GRAMD1C: variants seen among roughly 807,000 people sequenced by gnomAD.
GRAMD1C encodes the protein GRAM domain containing 1C.
GRAMD1C carries 89 observed loss-of-function variants against 97.8 expected under a neutral mutation model. The observed-to-expected ratio is 0.91, with a 90% CI of 0.77 to 1.09. GRAMD1C has a LOEUF of 1.09. GRAMD1C is among the 50% of genes least tolerant of loss of function. The pLI, the probability that GRAMD1C is intolerant of heterozygous loss-of-function variation, is 0.00. For missense variants in GRAMD1C, 740 were observed against 766.4 expected (o/e 0.97, Z 0.41); for synonymous variants, 256 against 267.0 (o/e 0.96, Z 0.40).
intron 2 of GRAMD1C, among the ~76,000 whole-genome samples, chr3:113,866,440 G>C (rs1315132362): frequency 6.6e-6 from 1 of 151,902 alleles, no homozygotes; most frequent in African/African-American, 2.4e-5. Flanking sequence ...TGTAACTAAG[G>C]TGTGTGTCTC....
chr3:113,849,307 A>ATTT lies in GRAMD1C; in HGVS notation c.174+4662_174+4664dup, dbSNP rs1256188993. Among the ~76,000 whole-genome samples the ATTT allele has an allele frequency of 5.7e-5, 8 of 141,022 alleles. No homozygotes were observed. The South Asian group carries it at 1.6e-3, about 28-fold the overall frequency. The allele number at this position is 141,022 out of a possible 152,430, so 92.5% of individuals were successfully genotyped here. A position where few individuals can be genotyped will look rare whatever the true frequency, so the allele number is the denominator to read the frequency against. ...TATTTATTTATTTATTTATTTATTT[A>ATTT]TTTTTTATTGATCATTCTTGGGTGT... On this transcript the variant is annotated intron_variant, in intron 2 of 17. Coordinates refer to ENST00000358160, the MANE Select transcript of GRAMD1C (RefSeq NM_017577.5).
chr3:113,945,443 A>C lies in GRAMD1C; in HGVS notation c.1954A>C (p.Asn652His). 1 of 1,597,620 alleles carries C rather than the reference A, an allele frequency of 6.3e-7. No homozygotes were observed. Among genetic ancestry groups the C allele is most frequent in the Non-Finnish European group, 8.6e-7 (1 of 1,165,590 alleles). Reference sequence around the variant, plus strand: ...GCTTCAGAAAACGTTTGATCTACTAAATAAGAATAAGACTGGCATGGCTGT... The same window carrying C: ...GCTTCAGAAAACGTTTGATCTACTACATAAGAATAAGACTGGCATGGCTGT... Reference protein sequence around the residue: ...IMLQKTFDLLNKNKTGMAVES With the variant: ...IMLQKTFDLLHKNKTGMAVES The change falls in exon 18 of 18, where the codon AAT becomes CAT. Residue 652 changes from asparagine (N) to histidine (H), a missense_variant. Coordinates refer to ENST00000358160, the MANE Select transcript of GRAMD1C (RefSeq NM_017577.5).
At chr3:113,886,208 A>T (rs1304705703) in intron 6 of GRAMD1C, among the ~76,000 whole-genome samples, 1 of 152,136 alleles carries the variant, frequency 6.6e-6, no homozygotes, top group Non-Finnish European at 1.5e-5. Flanking sequence ...GGATGGACAC[A>T]TGGGCTGGGG....
chr3:113,873,153 G>A (rs1313802993), intron 3 of GRAMD1C, among the ~76,000 whole-genome samples: 7 of 146,882 alleles, frequency 4.8e-5, no homozygotes, highest in South Asian at 2.1e-4. Flanking sequence ...CCAGCTACTC[G>A]GTAGACTGAG....
chr3:113,923,969 C>T (rs1937148529), intron 10 of GRAMD1C, among the ~76,000 whole-genome samples: 1 of 151,840 alleles, frequency 6.6e-6, no homozygotes, highest in Non-Finnish European at 1.5e-5. Context: ...CATTCTTTGT[C>T]TGTGCGGGGT....
chr3:113,850,515 T>C lies in GRAMD1C; in HGVS notation c.174+5866T>C, dbSNP rs1442836096. On this transcript the variant is annotated intron_variant, in intron 2 of 17. Transcript: ENST00000358160. The stretch of plus-strand genomic sequence containing the variant: ...ATCATGGAGATACTGGATGCCCTCA[T>C]TGGTAAGGTACCAGTAGAAATGTCT... 7 of 1,584,290 alleles carry C rather than the reference T, an allele frequency of 4.4e-6. No individual in the cohort carries two copies. The East Asian group carries it at 6.7e-5, about 15-fold the overall frequency.
intron 1 of GRAMD1C, among the ~76,000 whole-genome samples, chr3:113,840,117 C>A (rs1466008160): frequency 3.3e-5 from 5 of 152,182 alleles, no homozygotes; most frequent in African/African-American, 4.8e-5. Context: ...CAGGCGCCCG[C>A]CACCACGCCC....
At chr3:113,897,776 C>T in intron 6 of GRAMD1C, 1 of 984,178 alleles carries the variant, frequency 1.0e-6, no homozygotes, top group East Asian at 1.1e-4. Context: ...TTAAACTACT[C>T]TGTAGGCTGA....
chr3:113,914,453 C>T (rs1212436172), intron 9 of GRAMD1C, among the ~76,000 whole-genome samples: 1 of 152,170 alleles, frequency 6.6e-6, no homozygotes, highest in Non-Finnish European at 1.5e-5. Context: ...GATCCATAGA[C>T]TATTGCCCTT....
chr3:113,932,886 CT>C (rs11370149), intron 11 of GRAMD1C, among the ~76,000 whole-genome samples: 30 of 141,942 alleles, frequency 2.1e-4, no homozygotes, highest in East Asian at 2.1e-4. Context: ...TTTCTTCTTT[CT>C]TTTTTTTTTT....
intron 6 of GRAMD1C, chr3:113,890,651 A>G: frequency 1.5e-6 from 1 of 656,638 alleles, no homozygotes; most frequent in Non-Finnish European, 2.8e-6. Flanking sequence ...AGAATCCGTG[A>G]GGTGCATTCT....
chr3:113,857,118 C>T (rs116334709), intron 2 of GRAMD1C, among the ~76,000 whole-genome samples: 1,525 of 151,984 alleles, frequency 0.01, 38 homozygotes, highest in African/African-American at 0.035. Flanking sequence ...GCATTATAGG[C>T]GTGAGCCACC....
At chr3:113,916,106 A>G (rs987190192) in intron 10 of GRAMD1C, among the ~76,000 whole-genome samples, 23 of 152,218 alleles carry the variant, frequency 1.5e-4, no homozygotes, top group Non-Finnish European at 2.9e-4. Context: ...TACCAATTCG[A>G]TTAGGTTGAA....
At chr3:113,851,842 A>G (rs1933920702) in intron 2 of GRAMD1C, among the ~76,000 whole-genome samples, 2 of 151,398 alleles carry the variant, frequency 1.3e-5, no homozygotes, top group Admixed American at 6.6e-5. Context: ...TGTGCAAAAA[A>G]TCAGAAGCCT....
intron 10 of GRAMD1C, among the ~76,000 whole-genome samples, chr3:113,930,400 AGG>A (rs1189827636): frequency 6.6e-6 from 1 of 152,190 alleles, no homozygotes; most frequent in African/African-American, 2.4e-5. Context: ...TTCTCTTCAT[AGG>A]TACTGAGGAC....
In GRAMD1C at chr3:113,864,457, C is replaced by T. The variant is rs138984951; in HGVS notation, c.175-5050C>T. On this transcript the variant is annotated intron_variant, in intron 2 of 17. Coordinates refer to ENST00000358160, the MANE Select transcript of GRAMD1C (RefSeq NM_017577.5). ...AAAGCTGCTTAGATATTTCTTCTTC[C>T]AGAAATCATAGCTTTGGTAATTAAA... 3.2e-3 allele frequency among the ~76,000 whole-genome samples: 487 copies of T among 152,130 alleles called. 6 individuals carry two copies. The highest frequency in any genetic ancestry group is 0.011 in the African/African-American group (465 of 41,494).
At chr3:113,916,277 T>G (rs887212410) in intron 10 of GRAMD1C, among the ~76,000 whole-genome samples, 1 of 152,224 alleles carries the variant, frequency 6.6e-6, no homozygotes, top group African/African-American at 2.4e-5. Flanking sequence ...AATGGGTACA[T>G]TTGTACTCTG....
chr3:113,891,196 G>T (rs937400536), intron 6 of GRAMD1C, among the ~76,000 whole-genome samples: 1 of 152,152 alleles, frequency 6.6e-6, no homozygotes, highest in African/African-American at 2.4e-5. Flanking sequence ...CATATATTAT[G>T]TGTAAACTAC....
In GRAMD1C at chr3:113,908,948, T is replaced by C. The variant is rs759410066; in HGVS notation, c.790-10T>C. 3.3e-6 allele frequency: 5 copies of C among 1,522,548 alleles called. No individual in the cohort carries two copies. In the South Asian group the frequency reaches 5.1e-5, roughly 16 times the overall value. 94.3% of individuals were successfully genotyped at this position (1,522,548 alleles called of 1,614,324 possible). On this transcript the variant is annotated splice_polypyrimidine_tract_variant and intron_variant, in intron 8 of 17. Transcript: ENST00000358160. Reference sequence around the variant, plus strand: ...TGTTTTATTTTGAAACTGGATTGTTTACCTTTTAGGGATTAGGCAAAGAGG... The same window carrying C: ...TGTTTTATTTTGAAACTGGATTGTTCACCTTTTAGGGATTAGGCAAAGAGG...
Sources: allele counts gnomAD v4.1 joint callset (sites outside exome capture counted in the v4.1 genomes callset), GRCh38; gene constraint gnomAD v4.1.1; transcripts MANE v1.5; gene names NCBI Gene and HGNC (gene_info 2026-07-23, HGNC 2026-07-21).